Variants in MKLN1 observed in about 807,000 individuals in gnomAD.
The protein encoded by MKLN1 is muskelin.
Under a neutral mutation model 99.0 loss-of-function variants are expected in MKLN1, and 18 were observed. The observed-to-expected ratio is 0.18, with a 90% confidence interval of 0.13 to 0.27. MKLN1 has a LOEUF of 0.27. Among genes scored for constraint, MKLN1 ranks in the 10% least tolerant of loss-of-function variants. The pLI, the probability that MKLN1 is intolerant of heterozygous loss-of-function variation, is 1.00. For synonymous variants in MKLN1, 288 were observed against 293.2 expected, an observed-to-expected ratio of 0.98 and a Z score of 0.18; for missense variants, 621 against 875.9, an observed-to-expected ratio of 0.71 and a Z score of 3.67.
At chr7:131,370,373 T>G (rs1206207356) in intron 1 of MKLN1, among the ~76,000 whole-genome samples, 3 of 151,868 alleles carry the variant, frequency 2.0e-5, no homozygotes, top group Non-Finnish European at 4.4e-5. Context: ...TTAAAGTGTT[T>G]TTTTTTTTTT....
At chr7:131,239,647 G>T (rs780641207) in intron 3 of MKLN1, among the ~76,000 whole-genome samples, 3 of 151,982 alleles carry the variant, frequency 2.0e-5, no homozygotes, top group Non-Finnish European at 2.9e-5. Context: ...AAGGAATTTT[G>T]AAGTTTTCTT....
rs1233842029 is a variant in MKLN1 at position 131,153,455 on chromosome 7, C to T, written c.-297+10514C>T. Among the ~76,000 whole-genome samples, 9 of 151,876 alleles carry T rather than the reference C, an allele frequency of 5.9e-5. No individual in the cohort carries two copies. The South Asian group carries it at 1.5e-3, about 25-fold the overall frequency. ...TTGGTACAAGATGGCATAGGCTCATCTTGAATATTTCCACATAGTAGAAAT... is the reference window on the plus strand; with the variant it reads ...TTGGTACAAGATGGCATAGGCTCATTTTGAATATTTCCACATAGTAGAAAT... On this transcript the variant is annotated intron_variant, in intron 2 of 7. Coordinates refer to the MKLN1 transcript ENST00000416992.
intron 3 of MKLN1, among the ~76,000 whole-genome samples, chr7:131,218,319 A>G (rs957286415): frequency 6.6e-6 from 1 of 152,256 alleles, no homozygotes; most frequent in Non-Finnish European, 1.5e-5. Flanking sequence ...TTATAAAACA[A>G]TGACTGATTA....
chr7:131,310,989 TAAA>T (rs377316208), intron 3 of MKLN1: 1 of 144,244 alleles, frequency 6.9e-6, no homozygotes, highest in Non-Finnish European at 1.5e-5. Context: ...GAAGACAAAA[TAAA>T]AAAAAAAACC....
chr7:131,469,227 C>T (rs1232582327), intron 15 of MKLN1, among the ~76,000 whole-genome samples: 2 of 151,898 alleles, frequency 1.3e-5, no homozygotes, highest in Admixed American at 6.6e-5. Flanking sequence ...GATGGATGGC[C>T]GGCCGGCCAG....
intron 2 of MKLN1, among the ~76,000 whole-genome samples, chr7:131,161,959 GTGTGTA>G (rs1318599119): frequency 1.9e-4 from 13 of 67,798 alleles, no homozygotes; most frequent in African/African-American, 5.1e-4. Flanking sequence ...ACGTGTGTGT[GTGTGTA>G]TATATATATA....
intron 1 of MKLN1, among the ~76,000 whole-genome samples, chr7:131,342,377 A>G (rs1346853911): frequency 6.6e-6 from 1 of 152,206 alleles, no homozygotes; most frequent in Non-Finnish European, 1.5e-5. Flanking sequence ...TTGAAGATAC[A>G]TACCTATCAG....
At chr7:131,182,589 T>C (rs1045417688) in intron 2 of MKLN1, among the ~76,000 whole-genome samples, 16 of 152,230 alleles carry the variant, frequency 1.1e-4, no homozygotes, top group African/African-American at 3.6e-4. Context: ...TAATGAGTCA[T>C]ATAGAATTCT....
rs779312882 is a variant in MKLN1, at chr7:131,400,509, TA to T, written c.703+1086del. 8.2e-3 allele frequency among the ~76,000 whole-genome samples: 1,091 copies of T among 133,136 alleles called. 14 individuals carry two copies. Among genetic ancestry groups the T allele is most frequent in the African/African-American group, 0.028 (968 of 34,540 alleles). The allele number at this position is 133,136 out of a possible 152,430, so 87.3% of individuals were successfully genotyped here. ...TTAACAGACTTTAAAATGCTACCAATAAAAAAAAAATATATATATATATATA... is the reference window on the plus strand; with the variant it reads ...TTAACAGACTTTAAAATGCTACCAATAAAAAAAAATATATATATATATATA... On this transcript the variant is annotated intron_variant, in intron 6 of 17. Coordinates refer to ENST00000352689, the MANE Select transcript of MKLN1 (RefSeq NM_013255.5).
intron 2 of MKLN1, among the ~76,000 whole-genome samples, chr7:131,180,474 G>A (rs1443634668): frequency 7.9e-5 from 12 of 152,220 alleles, no homozygotes; most frequent in African/African-American, 2.2e-4. Flanking sequence ...CGAGGCGGGC[G>A]GATCACCTGA....
At chr7:131,394,582 G>T (rs1794302112) in intron 4 of MKLN1, among the ~76,000 whole-genome samples, 1 of 152,056 alleles carries the variant, frequency 6.6e-6, no homozygotes, top group Admixed American at 6.5e-5. Flanking sequence ...CCTGCCATGC[G>T]TCTGGGTTCC....
At chr7:131,256,616 C>T (rs776380022) in intron 3 of MKLN1, among the ~76,000 whole-genome samples, 2 of 152,110 alleles carry the variant, frequency 1.3e-5, no homozygotes, top group Admixed American at 6.6e-5. Flanking sequence ...ATAAGAAAGT[C>T]GGTACATCTA....
At chr7:131,198,000 A>G (rs1282777964) in intron 2 of MKLN1, among the ~76,000 whole-genome samples, 1 of 152,180 alleles carries the variant, frequency 6.6e-6, no homozygotes, top group Non-Finnish European at 1.5e-5. Flanking sequence ...ATACTGGACT[A>G]ATTTTAAAAA....
intron 3 of MKLN1, among the ~76,000 whole-genome samples, chr7:131,270,731 T>A (rs1010723924): frequency 6.6e-6 from 1 of 152,204 alleles, no homozygotes; most frequent in African/African-American, 2.4e-5. Flanking sequence ...GAATAATAGA[T>A]ATAAGGTCCC....
intron 12 of MKLN1, 38 bp from the exon 13 acceptor site, chr7:131,463,179 G>A (rs1796566220): frequency 4.0e-6 from 6 of 1,493,508 alleles, no homozygotes; most frequent in Non-Finnish European, 4.6e-6. Context: ...TCTATCTAAT[G>A]TGAATATTTT....
chr7:131,174,509 T>A (rs561863545), intron 2 of MKLN1, among the ~76,000 whole-genome samples: 34 of 152,190 alleles, frequency 2.2e-4, no homozygotes, highest in Non-Finnish European at 3.1e-4. Context: ...CCGTTTTCTC[T>A]TCTTAATCCT....
At chr7:131,174,649 CA>C (rs1164059197) in intron 2 of MKLN1, among the ~76,000 whole-genome samples, 2 of 152,176 alleles carry the variant, frequency 1.3e-5, no homozygotes, top group Non-Finnish European at 2.9e-5. Context: ...CGTGATTAAA[CA>C]GACTCACACA....
At chr7:131,251,869 A>G (rs1032886320) in intron 3 of MKLN1, among the ~76,000 whole-genome samples, 1 of 151,690 alleles carries the variant, frequency 6.6e-6, no homozygotes, top group East Asian at 1.9e-4. Flanking sequence ...GTTTGTAGAG[A>G]TGTTTTGCCA....
intron 15 of MKLN1, among the ~76,000 whole-genome samples, chr7:131,469,174 A>G (rs895434102): frequency 3.3e-5 from 5 of 152,098 alleles, no homozygotes; most frequent in African/African-American, 1.2e-4. Flanking sequence ...AGATAGGTAG[A>G]TAGATAGATA....
Sources: allele counts gnomAD v4.1 joint callset (sites outside exome capture counted in the v4.1 genomes callset), GRCh38; gene constraint gnomAD v4.1.1; transcripts MANE v1.5; gene names NCBI Gene and HGNC (gene_info 2026-07-23, HGNC 2026-07-21).